Variants in RARRES1 observed in about 807,000 individuals in gnomAD.
The protein encoded by RARRES1 is retinoic acid receptor responder 1, also known as retinoic acid receptor responder protein 1.
In RARRES1, 34 loss-of-function variants were observed where a neutral mutation model predicts 30.6. That is an observed-to-expected ratio of 1.11 (90% CI 0.84 to 1.48). The LOEUF is 1.48. RARRES1 is among the 40% of genes most tolerant of loss of function. RARRES1 has a pLI of 0.00. For synonymous variants in RARRES1, 153 were observed against 155.5 expected, an observed-to-expected ratio of 0.98 and a Z score of 0.12; for missense variants, 373 against 386.5, an observed-to-expected ratio of 0.97 and a Z score of 0.29.
chr3:158,720,260 G>A (rs1312251797), intron 1 of RARRES1, among the ~76,000 whole-genome samples: 11 of 144,624 alleles, frequency 7.6e-5, no homozygotes, highest in East Asian at 2.0e-4. Context: ...GTGTGTGTGT[G>A]TGTGTATGTG....
chr3:158,704,768 G>A (rs1392286344), intron 4 of RARRES1, 23 bp downstream of exon 4: 1 of 1,607,896 alleles, frequency 6.2e-7, no homozygotes, highest in East Asian at 2.2e-5. Context: ...TGTGGCACAA[G>A]TTAATTTTCA....
In RARRES1 at chr3:158,710,849, T is replaced by G; in HGVS notation, c.424A>C (p.Asn142His). 1 of 1,613,758 alleles carries G rather than the reference T, an allele frequency of 6.2e-7. No individual in the cohort carries two copies. The highest frequency in any genetic ancestry group is 1.3e-5 in the African/African-American group (1 of 75,040). The stretch of plus-strand genomic sequence containing the variant: ...TCGATGAGCCGTGTACAAGTTACAT[T>G]GATGGTTGGTCTGGGTTTCTGATTC... ...FKNQKPRPTI[N>H]VTCTRLIEKK... Residue 142 changes from asparagine to histidine, a missense_variant, in exon 3 of 6, where the codon AAT (asparagine) becomes CAT (histidine). Transcript: ENST00000237696.
At chr3:158,719,723 A>C (rs571066609) in intron 1 of RARRES1, among the ~76,000 whole-genome samples, 1 of 152,076 alleles carries the variant, frequency 6.6e-6, no homozygotes, top group Non-Finnish European at 1.5e-5. Context: ...CAGCACTTTG[A>C]TTTTGGTTTG....
intron 3 of RARRES1, among the ~76,000 whole-genome samples, chr3:158,707,819 A>G (rs1238664321): frequency 6.6e-6 from 1 of 152,240 alleles, no homozygotes; most frequent in Non-Finnish European, 1.5e-5. Flanking sequence ...CATTGTCATC[A>G]TATCACCCTT....
At chr3:158,730,303 G>C (rs1251519341) in intron 1 of RARRES1, among the ~76,000 whole-genome samples, 1 of 127,110 alleles carries the variant, frequency 7.9e-6, no homozygotes, top group African/African-American at 3.0e-5. Flanking sequence ...CTGGGCAACA[G>C]AGCAAGACTC....
intron 1 of RARRES1, among the ~76,000 whole-genome samples, chr3:158,730,468 T>C (rs555339818): frequency 2.7e-5 from 4 of 146,380 alleles, no homozygotes; most frequent in South Asian, 4.5e-4. Context: ...CTCTGTTGCC[T>C]AGGCTGGAGG....
intron 1 of RARRES1, among the ~76,000 whole-genome samples, chr3:158,720,273 T>TGTGTGTGTGTGTGTGTGA (rs1160861397): frequency 1.4e-5 from 2 of 144,438 alleles, no homozygotes; most frequent in Admixed American, 7.0e-5. Flanking sequence ...TGTATGTGTG[T>TGTGTGTGTGTGTGTGTGA]GAGAGAGAGA....
chr3:158,722,877 A>T (rs918220495), intron 1 of RARRES1, among the ~76,000 whole-genome samples: 7 of 106,746 alleles, frequency 6.6e-5, no homozygotes, highest in African/African-American at 2.6e-4. Flanking sequence ...GTGAGACTCC[A>T]TCTCAAAAAA....
At chr3:158,701,346 C>T (rs1375441785) in intron 4 of RARRES1, among the ~76,000 whole-genome samples, 2 of 151,702 alleles carry the variant, frequency 1.3e-5, no homozygotes, top group Non-Finnish European at 2.9e-5. Context: ...TTTATATTTG[C>T]ATTTCAGTCT....
chr3:158,704,357 G>C (rs1230851380), intron 4 of RARRES1, among the ~76,000 whole-genome samples: 1 of 150,986 alleles, frequency 6.6e-6, no homozygotes, highest in Non-Finnish European at 1.5e-5. Context: ...TCTGCGTCCC[G>C]AGTACCTGGG....
intron 1 of RARRES1, among the ~76,000 whole-genome samples, chr3:158,717,894 C>G (rs1486665265): frequency 6.6e-6 from 1 of 152,102 alleles, no homozygotes; most frequent in Non-Finnish European, 1.5e-5. Context: ...CATAAACCAC[C>G]AAACCCCAAG....
intron 3 of RARRES1, among the ~76,000 whole-genome samples, chr3:158,709,240 T>C (rs1391591656): frequency 2.0e-5 from 3 of 152,198 alleles, no homozygotes; most frequent in African/African-American, 4.8e-5. Context: ...GCCTGCACTA[T>C]TAAAGAGTGT....
chr3:158,705,360 C>T (rs1271708631), intron 3 of RARRES1, among the ~76,000 whole-genome samples: 1 of 152,194 alleles, frequency 6.6e-6, no homozygotes, highest in African/African-American at 2.4e-5. Flanking sequence ...TGTCGCACAC[C>T]TAGCAGCTAA....
rs146204107 is a variant in RARRES1, at chr3:158,724,728, T to G, written c.276+7412A>C. Among the ~76,000 whole-genome samples the G allele has an allele frequency of 1.5e-3, 222 of 152,374 alleles. 3 individuals are homozygous for G. Among genetic ancestry groups the G allele is most frequent in the East Asian group, 0.01 (54 of 5,192 alleles). ...ATAGGACACAATACCAATACAGAAT[T>G]ACTGTGATCCTTAATGTCATGTTCT... On this transcript the variant is annotated intron_variant, in intron 1 of 5. Coordinates refer to ENST00000237696, the MANE Select transcript of RARRES1 (RefSeq NM_206963.2).
chr3:158,718,567 C>A (rs1727399369), intron 1 of RARRES1, among the ~76,000 whole-genome samples: 1 of 152,214 alleles, frequency 6.6e-6, no homozygotes, highest in Non-Finnish European at 1.5e-5. Context: ...CGACTGCAGT[C>A]TGGCATATGC....
chr3:158,704,581 CAATG>C, intron 4 of RARRES1: 3 of 606,526 alleles, frequency 4.9e-6, no homozygotes, highest in Non-Finnish European at 7.6e-6. Context: ...GAATTAATCT[CAATG>C]AGGGCAGCAA....
At chr3:158,728,964 A>G (rs1727784495) in intron 1 of RARRES1, among the ~76,000 whole-genome samples, 2 of 152,128 alleles carry the variant, frequency 1.3e-5, no homozygotes, top group African/African-American at 4.8e-5. Flanking sequence ...GGGAATCTCA[A>G]AGAGGCCTTC....
At chr3:158,724,157 A>G (rs937582754) in intron 1 of RARRES1, among the ~76,000 whole-genome samples, 4 of 152,106 alleles carry the variant, frequency 2.6e-5, no homozygotes, top group African/African-American at 9.7e-5. Context: ...GGTCAGCAAG[A>G]CAGGAGGTGG....
chr3:158,730,008 A>G (rs930807895), intron 1 of RARRES1, among the ~76,000 whole-genome samples: 1 of 152,200 alleles, frequency 6.6e-6, no homozygotes, highest in East Asian at 1.9e-4. Context: ...TGTATCTCAG[A>G]CAGCAAGGAT....
Sources: gnomAD v4.1 joint callset for allele counts (sites outside exome capture counted in the v4.1 genomes callset) on GRCh38, gnomAD v4.1.1 for gene constraint, MANE v1.5 for transcripts, NCBI Gene and HGNC (gene_info 2026-07-23, HGNC 2026-07-21) for gene names.